NSMCE2: variants seen among roughly 807,000 people sequenced by gnomAD.
NSMCE2 encodes the protein E3 SUMO-protein ligase NSE2.
A neutral mutation model predicts 23.8 loss-of-function variants in NSMCE2; 24 were observed. The ratio of observed to expected loss-of-function variants is 1.01; its 90% CI spans 0.73 to 1.42. The LOEUF (loss-of-function observed/expected upper bound fraction) is 1.42. NSMCE2 is among the 40% of genes most tolerant of loss of function. The pLI, the probability that NSMCE2 is intolerant of heterozygous loss-of-function variation, is 0.00. For synonymous variants in NSMCE2, 92 were observed against 94.1 expected (o/e 0.98, Z 0.13); for missense variants, 284 against 296.5 (o/e 0.96, Z 0.31).
chr8:125,319,464 C>T (rs937382534), intron 5 of NSMCE2, among the ~76,000 whole-genome samples: 1 of 152,044 alleles, frequency 6.6e-6, no homozygotes, highest in Non-Finnish European at 1.5e-5. Flanking sequence ...GATTGCATTC[C>T]ATATGTTCAG....
At chr8:125,226,375 C>T (rs1482981140) in intron 5 of NSMCE2, among the ~76,000 whole-genome samples, 1 of 152,154 alleles carries the variant, frequency 6.6e-6, no homozygotes, top group African/African-American at 2.4e-5. Flanking sequence ...TCGCGTGGGT[C>T]GTTTGTAATT....
chr8:125,352,960 G>A (rs1381987931), intron 5 of NSMCE2, among the ~76,000 whole-genome samples: 1 of 152,116 alleles, frequency 6.6e-6, no homozygotes, highest in Non-Finnish European at 1.5e-5. Context: ...TTACTCACTC[G>A]TGACATTCTT....
rs1036394118 is a variant in NSMCE2, at chr8:125,191,504, G to A, written c.418+9248G>A. ...AACTGCCTTGATGTACTTTGATGAC[G>A]CTGGAGGAATCTGCTTCATCTAGCT... On this transcript the variant is annotated intron_variant, in intron 5 of 7. Coordinates refer to ENST00000287437, the MANE Select transcript of NSMCE2 (RefSeq NM_173685.4). Among the ~76,000 whole-genome samples the A allele has an allele frequency of 3.9e-5, 6 of 152,146 alleles. 1 individual carries two copies. In the South Asian group the frequency reaches 6.2e-4, roughly 16 times the overall value.
chr8:125,186,080 C>T (rs1324354194), intron 5 of NSMCE2, among the ~76,000 whole-genome samples: 1 of 152,130 alleles, frequency 6.6e-6, no homozygotes, highest in African/African-American at 2.4e-5. Context: ...TTTTCTATGG[C>T]CTGCAAGCTA....
chr8:125,275,347 A>G (rs1193969827), intron 5 of NSMCE2, among the ~76,000 whole-genome samples: 2 of 152,134 alleles, frequency 1.3e-5, no homozygotes, highest in African/African-American at 4.8e-5. Flanking sequence ...GCCACACATC[A>G]TTATTCATTA....
intron 5 of NSMCE2, among the ~76,000 whole-genome samples, chr8:125,314,277 GTTTTGTTTTGTTTTGT>G (rs141431514): frequency 0.033 from 4,951 of 151,798 alleles, 254 homozygotes; most frequent in African/African-American, 0.11. Context: ...TTTTGTTTTT[GTTTTGTTTTGTTTTGT>G]TTTTGTTTTT....
chr8:125,250,041 G>A (rs1371446525), intron 5 of NSMCE2, among the ~76,000 whole-genome samples: 5 of 152,206 alleles, frequency 3.3e-5, no homozygotes, highest in African/African-American at 1.2e-4. Flanking sequence ...CCAGGCTGGA[G>A]TGCAATGGCG....
rs116020555 is a variant in NSMCE2, at chr8:125,157,417, G to T, written c.264+6140G>T. On this transcript the variant is annotated intron_variant, in intron 4 of 7. Transcript: ENST00000287437. ...TCATCTGTAGGAACATTGCTCAGGT[G>T]TGGAAATTAACCAGAGAAAGAAAGT... Among the ~76,000 whole-genome samples the T allele has an allele frequency of 3.1e-3, 468 of 152,316 alleles. 3 individuals are homozygous for T. Among genetic ancestry groups the T allele is most frequent in the African/African-American group, 0.011 (450 of 41,566 alleles).
chr8:125,294,340 A>G (rs868360606), intron 5 of NSMCE2, among the ~76,000 whole-genome samples: 1 of 151,772 alleles, frequency 6.6e-6, no homozygotes, highest in African/African-American at 2.4e-5. Flanking sequence ...TTGCTGGGTC[A>G]TATGGTGACT....
intron 5 of NSMCE2, among the ~76,000 whole-genome samples, chr8:125,220,857 A>T (rs999714882): frequency 6.6e-6 from 1 of 152,180 alleles, no homozygotes; most frequent in Admixed American, 6.5e-5. Context: ...TAACATTTGG[A>T]ATTTGAGTTG....
chr8:125,296,450 A>T (rs1828331206), intron 5 of NSMCE2, among the ~76,000 whole-genome samples: 1 of 139,164 alleles, frequency 7.2e-6, no homozygotes, highest in African/African-American at 2.7e-5. Context: ...GCTGGAGTGC[A>T]GTGGTGCAAT....
intron 5 of NSMCE2, among the ~76,000 whole-genome samples, chr8:125,224,010 T>A (rs1221090854): frequency 6.6e-6 from 1 of 152,016 alleles, no homozygotes; most frequent in Admixed American, 6.6e-5. Flanking sequence ...CTAATTTTTT[T>A]AAATTTTTAG....
At chr8:125,280,337 A>T (rs963967541) in intron 5 of NSMCE2, among the ~76,000 whole-genome samples, 3 of 152,176 alleles carry the variant, frequency 2.0e-5, no homozygotes, top group African/African-American at 7.2e-5. Flanking sequence ...TCAGCAACTG[A>T]ATTTGATTTT....
At chr8:125,253,822 GAA>G (rs1043520974) in intron 5 of NSMCE2, among the ~76,000 whole-genome samples, 1 of 152,100 alleles carries the variant, frequency 6.6e-6, no homozygotes, top group African/African-American at 2.4e-5. Flanking sequence ...GGAGGAAAAA[GAA>G]AAAGTTTATT....
intron 5 of NSMCE2, among the ~76,000 whole-genome samples, chr8:125,216,026 T>C (rs1026217632): frequency 6.6e-6 from 1 of 152,212 alleles, no homozygotes; most frequent in African/African-American, 2.4e-5. Context: ...CACTCCAGCC[T>C]GGGCAGTAGA....
chr8:125,100,313 C>T (rs1818128246), intron 1 of NSMCE2, among the ~76,000 whole-genome samples: 2 of 152,116 alleles, frequency 1.3e-5, no homozygotes, highest in South Asian at 4.1e-4. Context: ...TTGTGCACTT[C>T]ATTCCTACCT....
intron 5 of NSMCE2, among the ~76,000 whole-genome samples, chr8:125,229,076 G>T (rs1429392435): frequency 6.6e-6 from 1 of 152,178 alleles, no homozygotes; most frequent in Non-Finnish European, 1.5e-5. Flanking sequence ...GCTAGCATAT[G>T]ATTAATGAAG....
At chr8:125,266,992 CTTTT>C (rs1826942000) in intron 5 of NSMCE2, among the ~76,000 whole-genome samples, 1 of 136,258 alleles carries the variant, frequency 7.3e-6, no homozygotes, top group Non-Finnish European at 1.6e-5. Flanking sequence ...CATAACTTTT[CTTTT>C]TTCTTTCTTT....
At chr8:125,352,007 C>T (rs1419709466) in intron 5 of NSMCE2, among the ~76,000 whole-genome samples, 1 of 151,976 alleles carries the variant, frequency 6.6e-6, no homozygotes, top group Non-Finnish European at 1.5e-5. Context: ...GAGCAAGACT[C>T]CATTTCAAAA....
Sources: gnomAD v4.1 joint callset for allele counts (sites outside exome capture counted in the v4.1 genomes callset) on GRCh38, gnomAD v4.1.1 for gene constraint, MANE v1.5 for transcripts, NCBI Gene and HGNC (gene_info 2026-07-23, HGNC 2026-07-21) for gene names.